The following GRIN2A variants were observed in gnomAD, a reference collection of about 807,000 sequenced individuals.
The protein encoded by GRIN2A is glutamate ionotropic receptor NMDA type subunit 2A.
Under a neutral mutation model 113.4 loss-of-function variants are expected in GRIN2A, and 22 were observed. The ratio of observed to expected loss-of-function variants is 0.19; its 90% CI spans 0.14 to 0.28. The LOEUF (loss-of-function observed/expected upper bound fraction) is 0.28, where lower values mean the gene tolerates loss of function less well. Among genes scored for constraint, GRIN2A ranks in the 10% least tolerant of loss-of-function variants. GRIN2A has a pLI of 1.00. For synonymous variants in GRIN2A, 827 were observed against 738.4 expected, an observed-to-expected ratio of 1.12 and a Z score of -1.94; for missense variants, 1,502 against 1,887.0, an observed-to-expected ratio of 0.80 and a Z score of 3.78.
chr16:9,990,259 T>C (rs1056071898), intron 2 of GRIN2A, among the ~76,000 whole-genome samples: 30 of 152,160 alleles, frequency 2.0e-4, no homozygotes, highest in Non-Finnish European at 3.8e-4. Context: ...AAGGCCATTA[T>C]CCTAAGTGGG....
At chr16:10,011,412 G>C (rs904743154) in intron 2 of GRIN2A, among the ~76,000 whole-genome samples, 1 of 152,168 alleles carries the variant, frequency 6.6e-6, no homozygotes. Flanking sequence ...TCTTCTGTAA[G>C]TAGCAATATT....
Position 9,759,891 on chromosome 16 carries a change from A to T in GRIN2A, c.*3258T>A. 4.3e-6 allele frequency: 1 copy of T among 230,466 alleles called. No homozygotes were observed. Among genetic ancestry groups the T allele is most frequent in the Non-Finnish European group, 8.6e-6 (1 of 116,378 alleles). The allele number at this position is 230,466 out of a possible 1,614,324, so 14.3% of individuals were successfully genotyped here. Reference sequence around the variant, plus strand: ...TTTTCCAGAAGCACAAAGGTTTCTCAAGTACAGTTTATGCTCTAGAAGACT... The same window carrying T: ...TTTTCCAGAAGCACAAAGGTTTCTCTAGTACAGTTTATGCTCTAGAAGACT... On this transcript the variant is annotated 3_prime_UTR_variant, in exon 13 of 13. Transcript: ENST00000330684.
intron 4 of GRIN2A, among the ~76,000 whole-genome samples, chr16:9,854,542 T>C (rs2042936588): frequency 1.3e-5 from 2 of 152,096 alleles, no homozygotes; most frequent in Admixed American, 6.6e-5. Context: ...TATTTAGAAG[T>C]TATATCCAAA....
chr16:10,133,581 TG>T (rs1298696481), intron 2 of GRIN2A, among the ~76,000 whole-genome samples: 1 of 152,186 alleles, frequency 6.6e-6, no homozygotes, highest in Non-Finnish European at 1.5e-5. Flanking sequence ...CACTCCAGCC[TG>T]GGTTGACAGA....
chr16:10,074,425 T>C (rs1285575079), intron 2 of GRIN2A, among the ~76,000 whole-genome samples: 2 of 152,232 alleles, frequency 1.3e-5, no homozygotes, highest in East Asian at 1.9e-4. Context: ...CAATAACTTG[T>C]ATGTAAGTGT....
chr16:9,798,211 G>A, intron 11 of GRIN2A, 66 bp downstream of exon 11: 1 of 1,316,592 alleles, frequency 7.6e-7, no homozygotes, highest in African/African-American at 1.4e-5. Flanking sequence ...GGGAAGCCCA[G>A]GAGCAAACAA....
chr16:10,114,612 A>G (rs2048692456), intron 2 of GRIN2A, among the ~76,000 whole-genome samples: 1 of 152,208 alleles, frequency 6.6e-6, no homozygotes, highest in Non-Finnish European at 1.5e-5. Flanking sequence ...GGTAGCTAAG[A>G]ACACTGCCCA....
chr16:9,910,536 T>C (rs1049924418), intron 3 of GRIN2A, among the ~76,000 whole-genome samples: 11 of 137,286 alleles, frequency 8.0e-5, no homozygotes, highest in Admixed American at 7.2e-4. Flanking sequence ...GTCTCAGAGT[T>C]CTTTTTTTTT....
intron 2 of GRIN2A, among the ~76,000 whole-genome samples, chr16:9,958,230 A>G (rs1249566655): frequency 6.6e-6 from 1 of 152,208 alleles, no homozygotes; most frequent in Non-Finnish European, 1.5e-5. Flanking sequence ...TGTTATCATA[A>G]TTGCCATTAA....
chr16:9,909,113 G>A (rs901924828), intron 3 of GRIN2A, among the ~76,000 whole-genome samples: 10 of 152,184 alleles, frequency 6.6e-5, no homozygotes, highest in African/African-American at 1.7e-4. Context: ...AATCATGGTG[G>A]AAGGCAAGGA....
chr16:10,021,349 T>C lies in GRIN2A; in HGVS notation c.415-82798A>G, dbSNP rs535207621. On this transcript the variant is annotated intron_variant, in intron 2 of 12. Coordinates refer to ENST00000330684, the MANE Select transcript of GRIN2A (RefSeq NM_001134407.3). ...ATGGCCCTGTGAGGGGAATCTACTA[T>C]TGTTCCCATTTTATAGCAGAGGAAA... Among the ~76,000 whole-genome samples the C allele has an allele frequency of 2.0e-4, 30 of 152,320 alleles. No individual in the cohort carries two copies. The South Asian group carries it at 5.4e-3, about 27-fold the overall frequency.
At position 9,807,770 on chromosome 16, in the gene GRIN2A, G is replaced by C. The variant is rs146136107; in HGVS notation, c.2169-9306C>G. Among the ~76,000 whole-genome samples, 26 of 152,302 alleles carry C rather than the reference G, an allele frequency of 1.7e-4. 1 individual carries two copies. In the East Asian group the frequency reaches 5.0e-3, roughly 29 times the overall value. On this transcript the variant is annotated intron_variant, in intron 10 of 12. Coordinates refer to ENST00000330684, the MANE Select transcript of GRIN2A (RefSeq NM_001134407.3). ...CGGGCTCCCCCAGTGCAAGGCCTCA[G>C]CTGGGATGCAGGGTCAGAGAACTGG...
chr16:9,838,624 T>C (rs967579789), intron 7 of GRIN2A, among the ~76,000 whole-genome samples: 1 of 152,198 alleles, frequency 6.6e-6, no homozygotes. Flanking sequence ...TGGGCTGATT[T>C]AAATTAACTG....
In GRIN2A at chr16:10,020,099, A is replaced by G. The variant is rs531078049; in HGVS notation, c.415-81548T>C. Among the ~76,000 whole-genome samples, 19 of 152,282 alleles carry G rather than the reference A, an allele frequency of 1.2e-4. No individual in the cohort carries two copies. The South Asian group carries it at 3.7e-3, about 30-fold the overall frequency. On this transcript the variant is annotated intron_variant, in intron 2 of 12. Transcript: ENST00000330684. ...GTTAAACCTCAATAAAGCTGGAAGG[A>G]AAAAAACAGTATACCAAAGAAATGA... is the stretch of plus-strand genomic sequence containing the variant.
intron 4 of GRIN2A, among the ~76,000 whole-genome samples, chr16:9,864,441 A>T (rs534284467): frequency 1.4e-5 from 1 of 72,246 alleles, no homozygotes; most frequent in Admixed American, 1.2e-4. Context: ...GTTTTTTTTT[A>T]AATGAAAACC....
chr16:9,955,331 G>C (rs118180629), intron 2 of GRIN2A, among the ~76,000 whole-genome samples: 1,874 of 152,210 alleles, frequency 0.012, 24 homozygotes, highest in Admixed American at 0.016. Context: ...TCTTGTTCCA[G>C]GTTCCTTGAA....
rs2141115672 is a variant in GRIN2A, at chr16:9,758,602, T to C, written c.*4547A>G. ...TTTGGATAATACACTTACGTGTGAA[T>C]TGTAGAAATCAAGCATGTATATTAT... On this transcript the variant is annotated 3_prime_UTR_variant, in exon 13 of 13. Coordinates refer to ENST00000330684, the MANE Select transcript of GRIN2A (RefSeq NM_001134407.3). The C allele has an allele frequency of 4.8e-6, 1 of 210,476 alleles. No homozygotes were observed. Among genetic ancestry groups the C allele is most frequent in the South Asian group, 1.9e-4 (1 of 5,330 alleles). The allele number at this position is 210,476 out of a possible 1,614,324, so 13.0% of individuals were successfully genotyped here.
intron 2 of GRIN2A, among the ~76,000 whole-genome samples, chr16:10,156,654 C>T (rs538454491): frequency 1.3e-5 from 2 of 152,212 alleles, no homozygotes; most frequent in South Asian, 2.1e-4. Context: ...AGGCAGAAGG[C>T]GATTGCTTCA....
chr16:9,853,579 G>A (rs903164884), intron 4 of GRIN2A, among the ~76,000 whole-genome samples: 3 of 152,160 alleles, frequency 2.0e-5, no homozygotes, highest in Non-Finnish European at 4.4e-5. Context: ...AAGCCACCCA[G>A]TCTATGGTAT....
Sources: allele counts gnomAD v4.1 joint callset (sites outside exome capture counted in the v4.1 genomes callset), GRCh38; gene constraint gnomAD v4.1.1; transcripts MANE v1.5; gene names NCBI Gene and HGNC (gene_info 2026-07-23, HGNC 2026-07-21).